The following GNA14 variants were observed in gnomAD, a reference collection of about 807,000 sequenced individuals.
The protein encoded by GNA14 is guanine nucleotide-binding protein subunit alpha-14.
Under a neutral mutation model 42.0 loss-of-function variants are expected in GNA14, and 50 were observed. That is an observed-to-expected ratio of 1.19 (90% confidence interval 0.95 to 1.51). The LOEUF (loss-of-function observed/expected upper bound fraction) is 1.51. GNA14 is among the 40% of genes most tolerant of loss of function. The probability of loss-of-function intolerance (pLI) is 0.00; values close to 1 mark genes in which losing one functional copy is unlikely to be tolerated. For synonymous variants in GNA14, 173 were observed against 163.1 expected (o/e 1.06, Z -0.46); for missense variants, 473 against 446.2 (o/e 1.06, Z -0.54).
chr9:77,581,799 T>C (rs1823228134), intron 1 of GNA14, among the ~76,000 whole-genome samples: 1 of 152,150 alleles, frequency 6.6e-6, no homozygotes, highest in South Asian at 2.1e-4. Flanking sequence ...CTTCTCATCA[T>C]CTCTCATCAT....
intron 2 of GNA14, among the ~76,000 whole-genome samples, chr9:77,491,190 C>G (rs1160124003): frequency 1.3e-5 from 2 of 152,152 alleles, no homozygotes; most frequent in African/African-American, 4.8e-5. Flanking sequence ...ATTCACCAGA[C>G]TCATAAGAAA....
intron 2 of GNA14, among the ~76,000 whole-genome samples, chr9:77,519,694 G>A (rs1837320116): frequency 6.6e-6 from 1 of 152,074 alleles, no homozygotes; most frequent in Non-Finnish European, 1.5e-5. Flanking sequence ...TGGGTACAAT[G>A]TACACTACTT....
At chr9:77,580,691 C>A in intron 1 of GNA14, 1 of 256,058 alleles carries the variant, frequency 3.9e-6, no homozygotes. Context: ...ACTATTCGTA[C>A]TCCTCCAGAT....
intron 2 of GNA14, among the ~76,000 whole-genome samples, chr9:77,509,404 T>C (rs966009205): frequency 3.9e-5 from 6 of 152,230 alleles, no homozygotes; most frequent in Non-Finnish European, 7.3e-5. Context: ...AATGTTGCTA[T>C]GAACATGGGT....
intron 1 of GNA14, among the ~76,000 whole-genome samples, chr9:77,618,759 A>G (rs62574866): frequency 5.8e-5 from 8 of 137,580 alleles, no homozygotes; most frequent in African/African-American, 1.4e-4. Context: ...TCAGCCTCCC[A>G]AGTACCTGGG....
chr9:77,466,344 CTT>C (rs1284175426), intron 2 of GNA14, among the ~76,000 whole-genome samples: 1 of 152,144 alleles, frequency 6.6e-6, no homozygotes, highest in Non-Finnish European at 1.5e-5. Flanking sequence ...CGTTATCTCT[CTT>C]TAAGTTCACA....
chr9:77,463,775 T>C (rs752077785), intron 2 of GNA14, among the ~76,000 whole-genome samples: 1 of 138,354 alleles, frequency 7.2e-6, no homozygotes, highest in Non-Finnish European at 1.5e-5. Flanking sequence ...ACAGGAAATA[T>C]TGGGATAGGA....
chr9:77,634,422 A>AG (rs1824147202), intron 1 of GNA14, among the ~76,000 whole-genome samples: 1 of 150,876 alleles, frequency 6.6e-6, no homozygotes, highest in South Asian at 2.1e-4. Flanking sequence ...AAAAAGAAAA[A>AG]AAAAAAAAAA....
At chr9:77,429,509 C>T (rs925428822) in intron 4 of GNA14, among the ~76,000 whole-genome samples, 13 of 152,186 alleles carry the variant, frequency 8.5e-5, no homozygotes, top group African/African-American at 3.1e-4. Context: ...TGGATGCCAC[C>T]TCTTGTTCCC....
intron 1 of GNA14, among the ~76,000 whole-genome samples, chr9:77,610,071 T>C (rs1056321029): frequency 8.5e-5 from 13 of 152,228 alleles, no homozygotes; most frequent in African/African-American, 3.1e-4. Flanking sequence ...TTTTATTACC[T>C]GAGAGGCTTT....
intron 5 of GNA14, among the ~76,000 whole-genome samples, chr9:77,428,047 T>G (rs368585942): frequency 6.6e-6 from 1 of 151,912 alleles, no homozygotes; most frequent in Non-Finnish European, 1.5e-5. Context: ...TTTTTAGTGT[T>G]CAGTCCAAGA....
intron 2 of GNA14, among the ~76,000 whole-genome samples, chr9:77,451,845 G>A (rs952938795): frequency 4.6e-5 from 7 of 152,134 alleles, no homozygotes; most frequent in African/African-American, 1.7e-4. Flanking sequence ...GCATCTCAAA[G>A]TTACACAGAC....
rs369919018 is a variant in GNA14 at position 77,425,654 on chromosome 9, T to C, written c.785A>G (p.Asn262Ser). The C allele has an allele frequency of 6.2e-7, 1 of 1,609,366 alleles. No individual in the cohort carries two copies. Among genetic ancestry groups the C allele is most frequent in the African/African-American group, 1.3e-5 (1 of 74,796 alleles). ...GTTCAAGAATAAAATCACAGACGAA[T>C]TCAGAAACCAGGGGTAGGTGATGAT... ...KTIITYPWFLNSSVILFLNKK... is the reference protein window; with the variant it reads ...KTIITYPWFLSSSVILFLNKK... Residue 262 changes from asparagine (N) to serine (S), a missense_variant, in exon 6 of 7, where the codon AAT (asparagine) becomes AGT (serine). Physicochemically the swap from Asn to Ser is conservative, Grantham distance 46. Coordinates refer to ENST00000341700, the MANE Select transcript of GNA14 (RefSeq NM_004297.4).
chr9:77,618,668 C>T (rs1823873096), intron 1 of GNA14, among the ~76,000 whole-genome samples: 1 of 97,338 alleles, frequency 1.0e-5, no homozygotes, highest in Non-Finnish European at 1.8e-5. Context: ...GAGTCTCGCT[C>T]TGTCGCCCAG....
intron 2 of GNA14, among the ~76,000 whole-genome samples, chr9:77,462,198 G>A (rs985395623): frequency 9.9e-5 from 15 of 152,052 alleles, no homozygotes; most frequent in African/African-American, 1.7e-4. Flanking sequence ...TCTTTGCCCC[G>A]CAGCTCTTTG....
At chr9:77,527,987 G>C (rs1370357281) in intron 2 of GNA14, among the ~76,000 whole-genome samples, 1 of 152,226 alleles carries the variant, frequency 6.6e-6, no homozygotes, top group Non-Finnish European at 1.5e-5. Context: ...TTGTAGGCAA[G>C]ATGTGTTCCT....
rs1835750845 is a variant in GNA14 at position 77,442,514 on chromosome 9, T to C, written c.310-7992A>G. Reference sequence around the variant, plus strand: ...CTTCTGTCGACTCTGGAAGGGACAGTTGATGGTTAAGCAGCTCTTTTTCCA... The same window carrying C: ...CTTCTGTCGACTCTGGAAGGGACAGCTGATGGTTAAGCAGCTCTTTTTCCA... On this transcript the variant is annotated intron_variant, in intron 2 of 6. Coordinates refer to ENST00000341700, the MANE Select transcript of GNA14 (RefSeq NM_004297.4). Among the ~76,000 whole-genome samples the C allele has an allele frequency of 2.0e-5, 3 of 152,178 alleles. No homozygotes were observed. In the South Asian group the frequency reaches 6.2e-4, roughly 31 times the overall value.
intron 2 of GNA14, among the ~76,000 whole-genome samples, chr9:77,437,981 G>A (rs1453084656): frequency 6.6e-6 from 1 of 152,160 alleles, no homozygotes; most frequent in Non-Finnish European, 1.5e-5. Context: ...GAGAAAAAGT[G>A]GAACCTAGTG....
intron 1 of GNA14, among the ~76,000 whole-genome samples, chr9:77,631,799 T>G (rs1339873627): frequency 6.6e-6 from 1 of 152,188 alleles, no homozygotes; most frequent in African/African-American, 2.4e-5. Context: ...ATGATGGCAG[T>G]GGCGGGCCAT....
Sources: gnomAD v4.1 joint callset for allele counts (sites outside exome capture counted in the v4.1 genomes callset) on GRCh38, gnomAD v4.1.1 for gene constraint, MANE v1.5 for transcripts, NCBI Gene and HGNC (gene_info 2026-07-23, HGNC 2026-07-21) for gene names.